CRTC3: variants seen among roughly 807,000 people sequenced by gnomAD.
CRTC3 encodes CREB-regulated transcription coactivator 3.
A neutral mutation model predicts 74.5 loss-of-function variants in CRTC3; 26 were observed. The observed-to-expected ratio is 0.35, with a 90% CI of 0.26 to 0.48. The LOEUF is 0.48. Among genes scored for constraint, CRTC3 ranks in the 20% least tolerant of loss-of-function variants. The pLI, the probability that CRTC3 is intolerant of heterozygous loss-of-function variation, is 0.99. For synonymous variants in CRTC3, 377 were observed against 325.8 expected, an observed-to-expected ratio of 1.16 and a Z score of -1.69; for missense variants, 760 against 787.3, an observed-to-expected ratio of 0.97 and a Z score of 0.41.
In CRTC3 at chr15:90,642,235, TTG is replaced by T; in HGVS notation, c.*96_*97del. On this transcript the variant is annotated 3_prime_UTR_variant, in exon 15 of 15. Transcript: ENST00000268184. ...GCTGATACCACGGGCTTTCGTTATCTTGACATAGAAGGAAGCAATGCCACGGC... is the reference window on the plus strand; with the variant it reads ...GCTGATACCACGGGCTTTCGTTATCTACATAGAAGGAAGCAATGCCACGGC... 9.5e-7 allele frequency: 1 copy of T among 1,055,076 alleles called. No homozygotes were observed. The highest frequency in any genetic ancestry group is 1.4e-6 in the Non-Finnish European group (1 of 707,214). 65.4% of individuals were successfully genotyped at this position (1,055,076 alleles called of 1,614,324 possible). A position where few individuals can be genotyped will look rare whatever the true frequency, so the allele number is the denominator to read the frequency against.
intron 11 of CRTC3, among the ~76,000 whole-genome samples, 153 bp downstream of exon 11, chr15:90,629,685 A>G (rs1968969230): frequency 6.6e-6 from 1 of 152,192 alleles, no homozygotes; most frequent in South Asian, 2.1e-4. Context: ...TATATGTGAA[A>G]TCAGAGCAGA....
chr15:90,632,243 GTA>G, intron 11 of CRTC3, among the ~76,000 whole-genome samples: 1 of 152,214 alleles, frequency 6.6e-6, no homozygotes, highest in South Asian at 2.1e-4. Context: ...TAAGGAGACT[GTA>G]TGGCCAGAGT....
At chr15:90,578,890 A>C (rs1967470438) in intron 2 of CRTC3, among the ~76,000 whole-genome samples, 1 of 152,066 alleles carries the variant, frequency 6.6e-6, no homozygotes, top group African/African-American at 2.4e-5. Context: ...GAATTTTCTT[A>C]TTTACTAATG....
intron 10 of CRTC3, 60 bp from the exon 11 acceptor site, chr15:90,629,174 T>C (rs1229422761): frequency 1.7e-5 from 25 of 1,514,380 alleles, no homozygotes; most frequent in Middle Eastern, 3.5e-4. Flanking sequence ...TCTTTCATTT[T>C]TGGAATACAA....
chr15:90,602,422 G>A lies in CRTC3; in HGVS notation c.413+37G>A, dbSNP rs534315774. ...ATACTTTAAAAGATATGATGGGCAT[G>A]TGTTATTTTTAGATAATTTCACTTT... On this transcript the variant is annotated intron_variant, in intron 4 of 14. Transcript: ENST00000268184. The A allele has an allele frequency of 1.2e-5, 14 of 1,125,682 alleles. No individual in the cohort carries two copies. The African/African-American group carries it at 1.9e-4, about 15-fold the overall frequency. The allele number at this position is 1,125,682 out of a possible 1,614,324, so 69.7% of individuals were successfully genotyped here.
At chr15:90,536,502 A>AG (rs1369940691) in intron 1 of CRTC3, among the ~76,000 whole-genome samples, 1 of 152,022 alleles carries the variant, frequency 6.6e-6, no homozygotes, top group African/African-American at 2.4e-5. Flanking sequence ...AAAAAAAAAA[A>AG]AAATTGCTCT....
chr15:90,566,191 G>T (rs187315272), intron 2 of CRTC3, among the ~76,000 whole-genome samples: 2 of 152,298 alleles, frequency 1.3e-5, no homozygotes, highest in Non-Finnish European at 2.9e-5. Flanking sequence ...AAGACTGAGA[G>T]AGCTGAGGAA....
chr15:90,573,589 A>G (rs1967328313), intron 2 of CRTC3, among the ~76,000 whole-genome samples: 2 of 152,032 alleles, frequency 1.3e-5, no homozygotes, highest in Middle Eastern at 3.4e-3. Context: ...TATTGTCTCA[A>G]TTCTTGAATA....
chr15:90,629,939 G>A (rs1352523299), intron 11 of CRTC3, among the ~76,000 whole-genome samples: 1 of 152,094 alleles, frequency 6.6e-6, no homozygotes, highest in Non-Finnish European at 1.5e-5. Context: ...GCCCAAGCTG[G>A]TCTCAAATGC....
chr15:90,636,022 C>G (rs1016108968), intron 11 of CRTC3, among the ~76,000 whole-genome samples: 1 of 152,016 alleles, frequency 6.6e-6, no homozygotes, highest in African/African-American at 2.4e-5. Flanking sequence ...CATCAAGCTA[C>G]CAATGACTTT....
At chr15:90,547,847 T>A (rs1425890982) in intron 2 of CRTC3, among the ~76,000 whole-genome samples, 1 of 151,830 alleles carries the variant, frequency 6.6e-6, no homozygotes, top group African/African-American at 2.4e-5. Flanking sequence ...AGGGCTTCTC[T>A]CTGTATAGGG....
intron 3 of CRTC3, chr15:90,600,474 A>G (rs1037329137): frequency 6.6e-6 from 1 of 152,188 alleles, no homozygotes; most frequent in African/African-American, 2.4e-5. Flanking sequence ...GGCATTTGGC[A>G]TAGTTCACTG....
At chr15:90,548,139 G>A (rs963149910) in intron 2 of CRTC3, among the ~76,000 whole-genome samples, 2 of 143,812 alleles carry the variant, frequency 1.4e-5, no homozygotes, top group Non-Finnish European at 3.1e-5. Flanking sequence ...TCCACCCGCC[G>A]TGGCCTCCCA....
chr15:90,539,838 A>G lies in CRTC3; in HGVS notation c.133-201A>G, dbSNP rs1022977142. 6 of 556,958 alleles carry G rather than the reference A, an allele frequency of 1.1e-5. No homozygotes were observed. The African/African-American group carries it at 1.1e-4, about 11-fold the overall frequency. The allele number at this position is 556,958 out of a possible 1,614,324, so 34.5% of individuals were successfully genotyped here. On this transcript the variant is annotated intron_variant, in intron 1 of 14. Transcript: ENST00000268184. ...TATCATGGTATATGGGACATTTGGA[A>G]CATGGGTAAGCTCTTTCCGAAAATA...
At chr15:90,598,131 C>A (rs746011428) in intron 3 of CRTC3, 1 of 333,750 alleles carries the variant, frequency 3.0e-6, no homozygotes, top group Non-Finnish European at 5.6e-6. Context: ...GTGTCCCTGG[C>A]AGAACACAGA....
intron 5 of CRTC3, among the ~76,000 whole-genome samples, chr15:90,604,649 G>A (rs1968169869): frequency 6.6e-6 from 1 of 152,310 alleles, no homozygotes; most frequent in Non-Finnish European, 1.5e-5. Context: ...CCCAGGGTTT[G>A]CATCTTGCTG....
chr15:90,563,836 T>G (rs1351198692), intron 2 of CRTC3, among the ~76,000 whole-genome samples: 1 of 152,246 alleles, frequency 6.6e-6, no homozygotes, highest in Non-Finnish European at 1.5e-5. Context: ...CCTTTGTTTT[T>G]GAATGAAATA....
At chr15:90,550,410 CAA>C (rs1402654418) in intron 2 of CRTC3, among the ~76,000 whole-genome samples, 1 of 129,120 alleles carries the variant, frequency 7.7e-6, no homozygotes, top group African/African-American at 2.9e-5. Context: ...AACTCCGTCT[CAA>C]AAAAAAAAAA....
rs368673201 is a variant in CRTC3 at position 90,597,176 on chromosome 15, T to G, written c.351+3421T>G. 2.9e-3 allele frequency among the ~76,000 whole-genome samples: 441 copies of G among 152,358 alleles called. 1 individual carries two copies. The highest frequency in any genetic ancestry group is 0.01 in the African/African-American group (420 of 41,596). The stretch of plus-strand genomic sequence containing the variant: ...CTTGCTCCTGGCTGGGGGCCTGGGC[T>G]CGGGCACTTGGAAGAGAAGCTCTTC... On this transcript the variant is annotated intron_variant, in intron 3 of 14. Coordinates refer to ENST00000268184, the MANE Select transcript of CRTC3 (RefSeq NM_022769.5).
Sources: gnomAD v4.1 joint callset for allele counts (sites outside exome capture counted in the v4.1 genomes callset) on GRCh38, gnomAD v4.1.1 for gene constraint, MANE v1.5 for transcripts, NCBI Gene and HGNC (gene_info 2026-07-23, HGNC 2026-07-21) for gene names.